The following CCR3 variants were observed in gnomAD, a reference collection of about 807,000 sequenced individuals.
CCR3 encodes C-C chemokine receptor type 3.
For missense variants in CCR3, 419 were observed against 437.5 expected (o/e 0.96, Z 0.38); for synonymous variants, 203 against 179.2 (o/e 1.13, Z -1.06).
At chr3:46,223,091 C>T (rs553356121) in intron 2 of CCR3, among the ~76,000 whole-genome samples, 4 of 152,352 alleles carry the variant, frequency 2.6e-5, no homozygotes, top group African/African-American at 4.8e-5. Context: ...TGTTGGCTCA[C>T]GCCTGTAATC....
chr3:46,265,570 G>T lies in CCR3; in HGVS notation c.412G>T (p.Ala138Ser). ...TIDRYLAIVH[A>S]VFALRARTVT... ...CGACAGGTACCTGGCCATTGTCCATGCTGTGTTTGCCCTTCGAGCCCGGAC... is the reference window on the plus strand; with the variant it reads ...CGACAGGTACCTGGCCATTGTCCATTCTGTGTTTGCCCTTCGAGCCCGGAC... The change falls in exon 2 of 2, where the codon GCT becomes TCT. Residue 138 changes from alanine (A) to serine (S), a missense_variant. Coordinates refer to ENST00000395940, the MANE Select transcript of CCR3 (RefSeq NM_178329.3). The T allele has an allele frequency of 1.2e-6, 2 of 1,614,104 alleles. No homozygotes were observed. Among genetic ancestry groups the T allele is most frequent in the Non-Finnish European group, 1.7e-6 (2 of 1,180,008 alleles).
chr3:46,261,541 G>T (rs1467319075), intron 1 of CCR3, among the ~76,000 whole-genome samples: 2 of 152,224 alleles, frequency 1.3e-5, no homozygotes, highest in African/African-American at 2.4e-5. Context: ...TGTGAGAAGA[G>T]ACACAGTGGT....
intron 1 of CCR3, among the ~76,000 whole-genome samples, chr3:46,243,668 T>G (rs1411353734): frequency 6.6e-6 from 1 of 152,146 alleles, no homozygotes; most frequent in African/African-American, 2.4e-5. Flanking sequence ...TTGAAGTATA[T>G]TTTTGAAGTG....
At chr3:46,211,358 C>T (rs1272845830) in intron 2 of CCR3, among the ~76,000 whole-genome samples, 1 of 150,198 alleles carries the variant, frequency 6.7e-6, no homozygotes, top group African/African-American at 2.5e-5. Context: ...GGCACCACAC[C>T]TGGCTAATTT....
At chr3:46,257,961 T>C (rs1700459371) in intron 1 of CCR3, among the ~76,000 whole-genome samples, 1 of 152,216 alleles carries the variant, frequency 6.6e-6, no homozygotes, top group Admixed American at 6.5e-5. Context: ...TTCTGATGTC[T>C]AAAGCAACAG....
chr3:46,261,753 G>A (rs996290523), intron 1 of CCR3, among the ~76,000 whole-genome samples: 3 of 152,212 alleles, frequency 2.0e-5, no homozygotes, highest in African/African-American at 7.2e-5. Context: ...GAGTTCCTCG[G>A]TTTGTTCATG....
At position 46,266,049 on chromosome 3, in the gene CCR3, C is replaced by G. The variant is rs1407748362; in HGVS notation, c.891C>G (p.Asn297Lys). 3 of 1,614,064 alleles carry G rather than the reference C, an allele frequency of 1.9e-6. No individual in the cohort carries two copies. The highest frequency in any genetic ancestry group is 2.2e-5 in the South Asian group (2 of 91,086). ...EVIAYSHCCM[N>K]PVIYAFVGER... ...TCGCCTACTCCCACTGCTGCATGAACCCGGTGATCTACGCCTTTGTTGGAG... is the reference window on the plus strand; with the variant it reads ...TCGCCTACTCCCACTGCTGCATGAAGCCGGTGATCTACGCCTTTGTTGGAG... Residue 297 changes from asparagine to lysine, a missense_variant, in exon 2 of 2, where the codon AAC becomes AAG. Coordinates refer to ENST00000395940, the MANE Select transcript of CCR3 (RefSeq NM_178329.3).
intron 1 of CCR3, among the ~76,000 whole-genome samples, chr3:46,246,912 T>A (rs1231758627): frequency 6.6e-6 from 1 of 151,692 alleles, no homozygotes; most frequent in African/African-American, 2.4e-5. Context: ...GGTCTTGTGG[T>A]AAGGGGTGAT....
intron 2 of CCR3, among the ~76,000 whole-genome samples, chr3:46,226,656 T>C (rs1242397100): frequency 1.3e-5 from 2 of 152,144 alleles, no homozygotes; most frequent in Non-Finnish European, 2.9e-5. Flanking sequence ...TTTCTTGTCT[T>C]ACTGCACTGG....
At chr3:46,224,493 T>A (rs1699871349) in intron 2 of CCR3, among the ~76,000 whole-genome samples, 1 of 151,608 alleles carries the variant, frequency 6.6e-6, no homozygotes, top group Admixed American at 6.6e-5. Context: ...ATCCCAGCAC[T>A]TTGGGAGGCT....
At chr3:46,263,123 T>A (rs1289099371) in intron 1 of CCR3, among the ~76,000 whole-genome samples, 1 of 152,258 alleles carries the variant, frequency 6.6e-6, no homozygotes, top group East Asian at 1.9e-4. Context: ...CCCGATCATG[T>A]TGATTTTATA....
At chr3:46,244,208 T>C (rs749869709) in intron 1 of CCR3, among the ~76,000 whole-genome samples, 2 of 152,210 alleles carry the variant, frequency 1.3e-5, no homozygotes, top group Non-Finnish European at 2.9e-5. Context: ...AATAACTTAA[T>C]CACACAACAA....
chr3:46,236,625 G>A (rs115220725), intron 2 of CCR3, among the ~76,000 whole-genome samples: 1 of 152,204 alleles, frequency 6.6e-6, no homozygotes, highest in Non-Finnish European at 1.5e-5. Flanking sequence ...TTCTCCACTG[G>A]TTCTGCTGGC....
intron 2 of CCR3, among the ~76,000 whole-genome samples, chr3:46,218,291 AC>A (rs907701888): frequency 3.3e-5 from 5 of 152,024 alleles, no homozygotes; most frequent in Admixed American, 1.3e-4. Flanking sequence ...CTCTGAACAG[AC>A]CAATAACAAG....
At chr3:46,228,749 C>G (rs75012616) in intron 2 of CCR3, among the ~76,000 whole-genome samples, 1 of 152,222 alleles carries the variant, frequency 6.6e-6, no homozygotes, top group Non-Finnish European at 1.5e-5. Flanking sequence ...TATAATCTTG[C>G]GTTGCCTTAA....
chr3:46,242,655 C>A (rs1189949487), intron 1 of CCR3, 117 bp downstream of exon 1: 1 of 151,876 alleles, frequency 6.6e-6, no homozygotes, highest in Non-Finnish European at 1.5e-5. Context: ...AGGTACACAG[C>A]AATTTAGAGG....
intron 1 of CCR3, among the ~76,000 whole-genome samples, chr3:46,245,784 T>G (rs535770835): frequency 6.6e-6 from 1 of 152,306 alleles, no homozygotes; most frequent in East Asian, 1.9e-4. Flanking sequence ...TAGCTCCCAC[T>G]TATAAGTCAG....
intron 1 of CCR3, among the ~76,000 whole-genome samples, chr3:46,248,237 G>A (rs978480494): frequency 4.6e-5 from 7 of 152,198 alleles, no homozygotes; most frequent in African/African-American, 1.7e-4. Context: ...ACTTAACAAA[G>A]AGTGAGTACA....
At chr3:46,257,862 C>T (rs1022089075) in intron 1 of CCR3, among the ~76,000 whole-genome samples, 4 of 152,164 alleles carry the variant, frequency 2.6e-5, no homozygotes, top group African/African-American at 9.7e-5. Context: ...AACAGAGAAG[C>T]CAATGTTGTA....
Sources: allele counts gnomAD v4.1 joint callset (sites outside exome capture counted in the v4.1 genomes callset), GRCh38; gene constraint gnomAD v4.1.1; transcripts MANE v1.5; gene names NCBI Gene and HGNC (gene_info 2026-07-23, HGNC 2026-07-21).